TBRG1: variants seen among roughly 807,000 people sequenced by gnomAD.
TBRG1 encodes the protein transforming growth factor beta regulator 1.
A neutral mutation model predicts 44.0 loss-of-function variants in TBRG1; 31 were observed. That is an observed-to-expected ratio of 0.70 (90% CI 0.53 to 0.95). TBRG1 has a LOEUF of 0.95. TBRG1 is among the 40% of genes least tolerant of loss of function. TBRG1 has a pLI of 0.00. For synonymous variants in TBRG1, 171 were observed against 188.1 expected (o/e 0.91, Z 0.74); for missense variants, 487 against 496.1 (o/e 0.98, Z 0.18).
In TBRG1 at chr11:124,626,963, C is replaced by G. The variant is rs1235954343; in HGVS notation, c.651C>G (p.Cys217Trp). 1 of 1,599,112 alleles carries G rather than the reference C, an allele frequency of 6.3e-7. No homozygotes were observed. The highest frequency in any genetic ancestry group is 1.1e-5 in the South Asian group (1 of 88,140). ...DESAIYPVGYCSTRIYASMKC... is the reference protein window; with the variant it reads ...DESAIYPVGYWSTRIYASMKC... ...GTGCCATCTACCCCGTGGGCTATTG[C>G]AGTACTCGAATATATGCCAGCATGA... The change falls in exon 5 of 9, where the codon TGC (cysteine) becomes TGG (tryptophan). Residue 217 changes from cysteine (C) to tryptophan (W), a missense_variant. Physicochemically the swap from Cys to Trp is radical, Grantham distance 215. Coordinates refer to ENST00000441174, the MANE Select transcript of TBRG1 (RefSeq NM_032811.3).
chr11:124,625,332 G>A (rs751315879), intron 2 of TBRG1, among the ~76,000 whole-genome samples: 4 of 152,200 alleles, frequency 2.6e-5, no homozygotes, highest in Non-Finnish European at 4.4e-5. Flanking sequence ...ACTGCCTCTC[G>A]TTCTACAAAT....
intron 4 of TBRG1, 38 bp from the exon 5 acceptor site, chr11:124,626,866 G>A (rs1942487454): frequency 6.3e-7 from 1 of 1,587,686 alleles, no homozygotes; most frequent in South Asian, 1.2e-5. Flanking sequence ...AAATTCTTCA[G>A]TGACCTCAAT....
intron 1 of TBRG1, 128 bp downstream of exon 1, chr11:124,623,361 T>C: frequency 9.7e-7 from 1 of 1,032,978 alleles, no homozygotes; most frequent in Non-Finnish European, 1.5e-6. Context: ...ACGTTACTAC[T>C]TGTTAGCCTT....
Position 124,627,063 on chromosome 11 carries a change from A to C in TBRG1, c.738+13A>C. 1 of 1,488,660 alleles carries C rather than the reference A, an allele frequency of 6.7e-7. No homozygotes were observed. The highest frequency in any genetic ancestry group is 9.2e-7 in the Non-Finnish European group (1 of 1,089,594). The allele number at this position is 1,488,660 out of a possible 1,614,324, so 92.2% of individuals were successfully genotyped here. ...TGTGCAGCCTCAGGTACCCCCTCTA[A>C]TAATAACCACTGTTTGTCTTTAGAA... On this transcript the variant is annotated intron_variant, in intron 5 of 8. Coordinates refer to ENST00000441174, the MANE Select transcript of TBRG1 (RefSeq NM_032811.3).
rs1412072883 is a variant in TBRG1, at chr11:124,623,151, A to G, written c.68A>G (p.Lys23Arg). 3 of 1,551,640 alleles carry G rather than the reference A, an allele frequency of 1.9e-6. No individual in the cohort carries two copies. Among genetic ancestry groups the G allele is most frequent in the South Asian group, 2.4e-5 (2 of 84,066 alleles). ...APLQSSKARM[K>R]KLPKKSQNEK... ...CTGCAGTCCAGCAAGGCCAGGATGA[A>G]AAAGCTCCCGAAGAAGAGCCAGAAT... Residue 23 changes from lysine to arginine, a missense_variant, in exon 1 of 9, where the codon AAA becomes AGA. Physicochemically the swap from Lys to Arg is conservative, Grantham distance 26. Transcript: ENST00000441174.
At position 124,627,810 on chromosome 11, in the gene TBRG1, T is replaced by C. The variant is rs116656730; in HGVS notation, c.738+760T>C. 7.2e-3 allele frequency among the ~76,000 whole-genome samples: 1,103 copies of C among 152,142 alleles called. 15 individuals are homozygous for C. The highest frequency in any genetic ancestry group is 0.025 in the African/African-American group (1,039 of 41,506). ...CAATAGTTTCTTTAGAAAGACTCAT[T>C]ATTGTAACGGTATACCATATTTATA... On this transcript the variant is annotated intron_variant, in intron 5 of 8. Transcript: ENST00000441174.
chr11:124,625,609 A>G (rs1591373077), intron 2 of TBRG1, 62 bp from the exon 3 acceptor site: 1 of 1,443,384 alleles, frequency 6.9e-7, no homozygotes, highest in South Asian at 1.4e-5. Context: ...GTACTTGAGT[A>G]AAATACTGAA....
rs372363579 is a variant in TBRG1 at position 124,623,454 on chromosome 11, A to G, written c.150+221A>G. The stretch of plus-strand genomic sequence containing the variant: ...ACTGTCTTGCAGAATAATGAATATT[A>G]AATGAGTAAAGAAAAGTGCTTGGTG... On this transcript the variant is annotated intron_variant, in intron 1 of 8. Coordinates refer to ENST00000441174, the MANE Select transcript of TBRG1 (RefSeq NM_032811.3). The G allele has an allele frequency of 1.9e-4, 127 of 665,628 alleles. 1 individual carries two copies. Among genetic ancestry groups the G allele is most frequent in the South Asian group, 1.9e-3 (123 of 65,434 alleles). 41.2% of individuals were successfully genotyped at this position (665,628 alleles called of 1,614,324 possible).
At chr11:124,631,875 A>G (rs1942621886) in intron 8 of TBRG1, 4 of 491,678 alleles carry the variant, frequency 8.1e-6, no homozygotes, top group Non-Finnish European at 1.4e-5. Flanking sequence ...TGAAATTCTC[A>G]CTCTTTGCCT....
At chr11:124,624,162 C>T (rs1942403522) in intron 1 of TBRG1, among the ~76,000 whole-genome samples, 1 of 151,924 alleles carries the variant, frequency 6.6e-6, no homozygotes, top group South Asian at 2.1e-4. Context: ...TCTTTTATCC[C>T]CTATACGTCA....
chr11:124,631,255 G>T lies in TBRG1; in HGVS notation c.948-20G>T. ...TGTCTAGCAGATAACTCTCAAGGGT[G>T]ATTTCCCTTGATTCTGCAGTTACCA... On this transcript the variant is annotated intron_variant, in intron 7 of 8. Transcript: ENST00000441174. 6.5e-7 allele frequency: 1 copy of T among 1,546,898 alleles called. No homozygotes were observed. The highest frequency in any genetic ancestry group is 2.3e-5 in the East Asian group (1 of 44,230).
intron 4 of TBRG1, 86 bp from the exon 5 acceptor site, chr11:124,626,816 CAA>C (rs902603674): frequency 6.5e-7 from 1 of 1,548,450 alleles, no homozygotes; most frequent in Non-Finnish European, 8.7e-7. Flanking sequence ...TTTGCAGCCC[CAA>C]AGTGGTTCTA....
In TBRG1 at chr11:124,622,905, C is replaced by A; in HGVS notation, c.-179C>A. On this transcript the variant is annotated 5_prime_UTR_variant, in exon 1 of 9. Coordinates refer to ENST00000441174, the MANE Select transcript of TBRG1 (RefSeq NM_032811.3). Reference sequence around the variant, plus strand: ...CGGAAGTGCTGGGAGGCGCCGGGAGCCCGTTCGGTTGCGGGTGTCTCTGGC... The same window carrying A: ...CGGAAGTGCTGGGAGGCGCCGGGAGACCGTTCGGTTGCGGGTGTCTCTGGC... 4 of 631,260 alleles carry A rather than the reference C, an allele frequency of 6.3e-6. No individual in the cohort carries two copies. The highest frequency in any genetic ancestry group is 1.1e-5 in the Non-Finnish European group (4 of 380,550). 39.1% of individuals were successfully genotyped at this position (631,260 alleles called of 1,614,324 possible). A position where few individuals can be genotyped will look rare whatever the true frequency, so the allele number is the denominator to read the frequency against.
chr11:124,623,365 T>A, intron 1 of TBRG1, 132 bp downstream of exon 1: 1 of 1,017,066 alleles, frequency 9.8e-7, no homozygotes, highest in Non-Finnish European at 1.5e-6. Context: ...TACTACTTGT[T>A]AGCCTTGTGT....
At chr11:124,626,004 A>T in intron 3 of TBRG1, 101 bp downstream of exon 3, 4 of 1,418,208 alleles carry the variant, frequency 2.8e-6, no homozygotes, top group Non-Finnish European at 3.7e-6. Flanking sequence ...AGATGTACTT[A>T]GAGTCTCATC....
In TBRG1 at chr11:124,626,156, G is replaced by A. The variant is rs1439980543; in HGVS notation, c.454+253G>A. On this transcript the variant is annotated intron_variant, in intron 3 of 8. Coordinates refer to ENST00000441174, the MANE Select transcript of TBRG1 (RefSeq NM_032811.3). The stretch of plus-strand genomic sequence containing the variant: ...CTTCCCCCTTCCCCCAACTCTCTGG[G>A]TTGCATTCCATTTAGTCTTTCCTAG... 3.3e-5 allele frequency among the ~76,000 whole-genome samples: 5 copies of A among 152,208 alleles called. No homozygotes were observed. The East Asian group carries it at 9.6e-4, about 29-fold the overall frequency.
chr11:124,634,705 A>C lies in TBRG1; in HGVS notation c.*2467A>C, dbSNP rs1269949027. The C allele has an allele frequency of 1.3e-5, 2 of 152,254 alleles. No homozygotes were observed. The highest frequency in any genetic ancestry group is 2.9e-5 in the Non-Finnish European group (2 of 68,042). 9.4% of individuals were successfully genotyped at this position (152,254 alleles called of 1,614,324 possible). ...TGGTTAAATAAAATGAGGCTTCCAC[A>C]AACTGAAACACTCTAAATCTATATT... On this transcript the variant is annotated 3_prime_UTR_variant, in exon 9 of 9. Transcript: ENST00000441174.
intron 8 of TBRG1, 118 bp downstream of exon 8, chr11:124,631,535 G>GA (rs1942609968): frequency 1.7e-6 from 2 of 1,146,572 alleles, no homozygotes; most frequent in Non-Finnish European, 2.6e-6. Context: ...AGCTTTCATT[G>GA]AATCAGCCTT....
Position 124,630,486 on chromosome 11 carries a change from G to C in TBRG1, c.836+1G>C. 6.2e-7 allele frequency: 1 copy of C among 1,607,700 alleles called. No individual in the cohort carries two copies. Among genetic ancestry groups the C allele is most frequent in the African/African-American group, 1.3e-5 (1 of 74,924 alleles). ...TGCTCAGGACTATAAGCACTACTAT[G>C]TAAGTTGACCAAAAGCTTGAAAACA... is the stretch of plus-strand genomic sequence containing the variant. On this transcript the variant is annotated splice_donor_variant, in intron 6 of 8. Coordinates refer to ENST00000441174, the MANE Select transcript of TBRG1 (RefSeq NM_032811.3). LOFTEE classifies it high-confidence loss of function.
Sources: gnomAD v4.1 joint callset for allele counts (sites outside exome capture counted in the v4.1 genomes callset) on GRCh38, gnomAD v4.1.1 for gene constraint, MANE v1.5 for transcripts, NCBI Gene and HGNC (gene_info 2026-07-23, HGNC 2026-07-21) for gene names.